The following TNFRSF10B variants were observed in gnomAD, a reference collection of about 807,000 sequenced individuals.
TNFRSF10B encodes the protein TNF receptor superfamily member 10b.
In TNFRSF10B, 35 loss-of-function variants were observed where a neutral mutation model predicts 41.4. The observed-to-expected ratio is 0.85, with a 90% CI of 0.65 to 1.12. The LOEUF is 1.12. TNFRSF10B is among the 50% of genes most tolerant of loss of function. The pLI is 0.00. For synonymous variants in TNFRSF10B, 230 were observed against 215.5 expected (o/e 1.07, Z -0.59); for missense variants, 584 against 552.7 (o/e 1.06, Z -0.57).
chr8:23,048,851 C>T (rs183057937), intron 1 of TNFRSF10B, among the ~76,000 whole-genome samples: 1 of 152,276 alleles, frequency 6.6e-6, no homozygotes, highest in East Asian at 1.9e-4. Flanking sequence ...GTCCTCCTGC[C>T]TCAGCCTCTC....
At chr8:23,051,964 A>G (rs1375619901) in intron 1 of TNFRSF10B, among the ~76,000 whole-genome samples, 1 of 152,240 alleles carries the variant, frequency 6.6e-6, no homozygotes, top group East Asian at 1.9e-4. Flanking sequence ...AACTAAGTTA[A>G]TAAACAAGAA....
intron 1 of TNFRSF10B, among the ~76,000 whole-genome samples, chr8:23,059,062 A>T (rs1812751473): frequency 6.6e-6 from 1 of 152,194 alleles, no homozygotes; most frequent in South Asian, 2.1e-4. Context: ...GGTTTTTATG[A>T]ATTTGACTAC....
intron 7 of TNFRSF10B, among the ~76,000 whole-genome samples, chr8:23,026,114 G>A (rs1320832451): frequency 6.6e-6 from 1 of 152,092 alleles, no homozygotes; most frequent in East Asian, 1.9e-4. Context: ...AAGCATGGAG[G>A]AAGTATTGGC....
chr8:23,024,071 C>T, intron 8 of TNFRSF10B, 117 bp downstream of exon 8: 1 of 1,326,648 alleles, frequency 7.5e-7, no homozygotes, highest in Non-Finnish European at 1.1e-6. Flanking sequence ...TAGCACAGGA[C>T]CCACGGCTTC....
intron 1 of TNFRSF10B, among the ~76,000 whole-genome samples, chr8:23,057,605 GTA>G (rs1041741119): frequency 6.6e-6 from 1 of 151,380 alleles, no homozygotes; most frequent in African/African-American, 2.4e-5. Context: ...GCTGATTTTT[GTA>G]TTTTTAGTAG....
At chr8:23,054,494 G>A (rs1454412515) in intron 1 of TNFRSF10B, among the ~76,000 whole-genome samples, 1 of 152,150 alleles carries the variant, frequency 6.6e-6, no homozygotes, top group African/African-American at 2.4e-5. Context: ...ATAGTTATTT[G>A]CATAAGTGCA....
chr8:23,045,061 A>AG (rs771186333), intron 1 of TNFRSF10B, among the ~76,000 whole-genome samples: 1 of 32,228 alleles, frequency 3.1e-5, no homozygotes, highest in East Asian at 2.4e-3. Flanking sequence ...AATAAAATAC[A>AG]AAAAAAAAAA....
intron 7 of TNFRSF10B, among the ~76,000 whole-genome samples, chr8:23,025,504 CAT>C (rs562965274): frequency 1.3e-3 from 195 of 152,164 alleles, no homozygotes; most frequent in Non-Finnish European, 2.3e-3. Flanking sequence ...ATTTTGAAAA[CAT>C]ATTTGCTGTC....
At chr8:23,067,129 C>T (rs1813010422) in intron 1 of TNFRSF10B, among the ~76,000 whole-genome samples, 1 of 151,906 alleles carries the variant, frequency 6.6e-6, no homozygotes, top group Non-Finnish European at 1.5e-5. Flanking sequence ...CAGGTGCCCA[C>T]CACCACACCC....
intron 2 of TNFRSF10B, among the ~76,000 whole-genome samples, chr8:23,036,355 G>A (rs550329897): frequency 1.3e-5 from 2 of 152,164 alleles, no homozygotes; most frequent in South Asian, 4.1e-4. Flanking sequence ...TGGCCCAAGT[G>A]CCCATGATCC....
chr8:23,052,404 G>A (rs1345247312), intron 1 of TNFRSF10B, among the ~76,000 whole-genome samples: 1 of 150,564 alleles, frequency 6.6e-6, no homozygotes, highest in Admixed American at 6.7e-5. Flanking sequence ...TCCTGCCTCA[G>A]CCTCCCGAGT....
chr8:23,027,094 C>G (rs1811724580), intron 7 of TNFRSF10B, 39 bp downstream of exon 7: 2 of 1,612,916 alleles, frequency 1.2e-6, no homozygotes, highest in Admixed American at 1.7e-5. Flanking sequence ...CCCAGGTGAG[C>G]AGCATGCCAG....
At position 23,022,637 on chromosome 8, in the gene TNFRSF10B, C is replaced by G. The variant is rs778170083; in HGVS notation, c.*34G>C. 5.0e-6 allele frequency: 8 copies of G among 1,613,256 alleles called. No homozygotes were observed. The East Asian group carries it at 1.8e-4, about 36-fold the overall frequency. Reference sequence around the variant, plus strand: ...GGCTTTTTCCAGAAAAAAGGTAAACCAGGGAAGGTCTGACTTCCTGAAGAG... The same window carrying G: ...GGCTTTTTCCAGAAAAAAGGTAAACGAGGGAAGGTCTGACTTCCTGAAGAG... On this transcript the variant is annotated 3_prime_UTR_variant, in exon 9 of 9. Transcript: ENST00000276431.
intron 1 of TNFRSF10B, among the ~76,000 whole-genome samples, chr8:23,045,215 G>A (rs1665668373): frequency 6.6e-6 from 1 of 151,734 alleles, no homozygotes; most frequent in South Asian, 2.1e-4. Flanking sequence ...GGGCAACAGA[G>A]GGAGACTCTG....
chr8:23,041,537 GTCAA>G (rs529569494), intron 2 of TNFRSF10B, among the ~76,000 whole-genome samples: 3 of 147,364 alleles, frequency 2.0e-5, no homozygotes, highest in Middle Eastern at 3.6e-3. Context: ...ATCTCAATCA[GTCAA>G]TCAATCAATC....
At chr8:23,024,076 G>C (rs1038548560) in intron 8 of TNFRSF10B, 112 bp downstream of exon 8, 29 of 1,374,800 alleles carry the variant, frequency 2.1e-5, no homozygotes, top group Non-Finnish European at 2.9e-5. Context: ...CAGGACCCAC[G>C]GCTTCCAGCA....
At chr8:23,048,389 T>C (rs1396554856) in intron 1 of TNFRSF10B, among the ~76,000 whole-genome samples, 3 of 145,048 alleles carry the variant, frequency 2.1e-5, no homozygotes, top group South Asian at 4.3e-4. Flanking sequence ...TGAGCTGAGA[T>C]GGCACCATTG....
In TNFRSF10B at chr8:23,029,640, G is replaced by A. The variant is rs541556717; in HGVS notation, c.446C>T (p.Ser149Phe). The A allele has an allele frequency of 8.7e-5, 141 of 1,613,336 alleles. 4 individuals are homozygous for A. In the South Asian group the frequency reaches 1.5e-3, roughly 18 times the overall value. Residue 149 changes from serine (S) to phenylalanine (F), a missense_variant, in exon 4 of 9, where the codon TCT (serine) becomes TTT (phenylalanine). By Grantham distance (155) the Ser-to-Phe change is radical. Coordinates refer to ENST00000276431, the MANE Select transcript of TNFRSF10B (RefSeq NM_003842.5). ...GCGGCACTTCCGGCACATCTCAGGAGAATCTTCTTCCCGGAAGGTGCCTTC... is the reference window on the plus strand; with the variant it reads ...GCGGCACTTCCGGCACATCTCAGGAAAATCTTCTTCCCGGAAGGTGCCTTC... ...CEEGTFREED[S>F]PEMCRKCRTG...
intron 1 of TNFRSF10B, among the ~76,000 whole-genome samples, chr8:23,054,980 A>G (rs1197424252): frequency 6.6e-6 from 1 of 152,314 alleles, no homozygotes; most frequent in East Asian, 1.9e-4. Flanking sequence ...GGGAAACAAG[A>G]GAGAAAAATT....
Sources: allele counts gnomAD v4.1 joint callset (sites outside exome capture counted in the v4.1 genomes callset), GRCh38; gene constraint gnomAD v4.1.1; transcripts MANE v1.5; gene names NCBI Gene and HGNC (gene_info 2026-07-23, HGNC 2026-07-21).